The following RCC1 variants were observed in gnomAD, a reference collection of about 807,000 sequenced individuals.
The protein encoded by RCC1 is regulator of chromosome condensation 1, also known as regulator of chromosome condensation.
In RCC1, 11 loss-of-function variants were observed where a neutral mutation model predicts 44.4. The ratio of observed to expected loss-of-function variants is 0.25; its 90% CI spans 0.16 to 0.41. RCC1 has a LOEUF of 0.41. RCC1 is among the 10% of genes least tolerant of loss of function. RCC1 has a pLI of 1.00. For synonymous variants in RCC1, 213 were observed against 216.5 expected, an observed-to-expected ratio of 0.98 and a Z score of 0.14; for missense variants, 386 against 547.1, an observed-to-expected ratio of 0.71 and a Z score of 2.94.
Position 28,531,918 on chromosome 1 carries a change from A to G in RCC1, c.189A>G (p.Val63=), listed in dbSNP as rs1223736148. 6.2e-7 allele frequency: 1 copy of G among 1,608,954 alleles called. No homozygotes were observed. Among genetic ancestry groups the G allele is most frequent in the Non-Finnish European group, 8.5e-7 (1 of 1,177,598 alleles). ...TGGAGAGGAAGAAGCCGGCCCTGGT[A>G]TCCATTCCGGAGGATGTTGTGCAGG... ...NVMERKKPAL[V]SIPEDVVQAE... Residue 63 remains valine (V), a synonymous_variant, in exon 6 of 13, where the codon GTA becomes GTG. Transcript: ENST00000683442.
intron 4 of RCC1, among the ~76,000 whole-genome samples, chr1:28,523,027 C>CT (rs775851239): frequency 0.25 from 23,111 of 91,022 alleles, 3,927 homozygotes; most frequent in Non-Finnish European, 0.29. Flanking sequence ...GAAGAAATTT[C>CT]TTTTTTTTTT....
Position 28,536,818 on chromosome 1 carries a change from A to C in RCC1, c.1009A>C (p.Ile337Leu). 1 of 1,614,066 alleles carries C rather than the reference A, an allele frequency of 6.2e-7. No individual in the cohort carries two copies. Among genetic ancestry groups the C allele is most frequent in the Non-Finnish European group, 8.5e-7 (1 of 1,179,998 alleles). ...TGGAGAGGGTGCTGAGGAGAAGAGC[A>C]TACCCACCCTCATCTCCAGGCTGCC... ...GLGEGAEEKS[I>L]PTLISRLPAV... The change falls in exon 12 of 13, where the codon ATA becomes CTA. Residue 337 changes from isoleucine to leucine, a missense_variant. Transcript: ENST00000683442. The surrounding 1 kb of genome is among the most constrained non-coding windows in gnomAD (Gnocchi z 4.9).
intron 5 of RCC1, chr1:28,530,384 G>T (rs1664053114): frequency 2.9e-6 from 2 of 697,280 alleles, no homozygotes; most frequent in Non-Finnish European, 4.8e-6. Flanking sequence ...TGAGATAATG[G>T]CCTGGCAGCA....
intron 4 of RCC1, among the ~76,000 whole-genome samples, chr1:28,522,316 T>C (rs1472169129): frequency 6.6e-6 from 1 of 152,032 alleles, no homozygotes; most frequent in Admixed American, 6.6e-5. Flanking sequence ...TCTGGCCTGG[T>C]GGGTCTGGCA....
chr1:28,534,543 C>G (rs1163064951), intron 7 of RCC1, among the ~76,000 whole-genome samples: 3 of 152,190 alleles, frequency 2.0e-5, no homozygotes, highest in Non-Finnish European at 4.4e-5. Flanking sequence ...GCAATGGCAT[C>G]GTCTTAGCTC....
intron 4 of RCC1, among the ~76,000 whole-genome samples, chr1:28,525,317 A>C (rs1663578282): frequency 6.6e-6 from 1 of 152,094 alleles, no homozygotes; most frequent in African/African-American, 2.4e-5. Flanking sequence ...TCTGCCTTTT[A>C]GTTTTTACTT....
intron 7 of RCC1, among the ~76,000 whole-genome samples, chr1:28,533,883 T>C (rs1432182142): frequency 4.4e-5 from 2 of 45,690 alleles, no homozygotes; most frequent in East Asian, 6.3e-4. Context: ...TTTTTTTTTT[T>C]TTTTTTTTTT....
chr1:28,507,456 C>T (rs771690164), intron 1 of RCC1: 15 of 519,122 alleles, frequency 2.9e-5, no homozygotes, highest in Non-Finnish European at 5.4e-5. Flanking sequence ...ATGTACAAGT[C>T]CCTTTCCACA....
chr1:28,530,645 C>T (rs765115371), intron 5 of RCC1: 11 of 1,560,466 alleles, frequency 7.0e-6, no homozygotes, highest in Admixed American at 5.4e-5. Context: ...GCCCTCTGTG[C>T]TGCCAGCGCG....
intron 1 of RCC1, chr1:28,507,598 G>GTTT: frequency 2.3e-6 from 1 of 433,660 alleles, no homozygotes; most frequent in Non-Finnish European, 4.4e-6. Context: ...CTGGATTGAA[G>GTTT]TCTTTTTTTT....
Position 28,536,394 on chromosome 1 carries a change from C to T in RCC1, c.937+13C>T, listed in dbSNP as rs1167665940. On this transcript the variant is annotated intron_variant, in intron 11 of 12. Transcript: ENST00000683442. The surrounding 1 kb of genome is among the most constrained non-coding windows in gnomAD (Gnocchi z 4.9). ...ATGGATTCGGAAGGTAGGGCCTTTACGTCCTTCTCTAGTTTGGGGGTGGAG... is the reference window on the plus strand; with the variant it reads ...ATGGATTCGGAAGGTAGGGCCTTTATGTCCTTCTCTAGTTTGGGGGTGGAG... 6 of 1,611,552 alleles carry T rather than the reference C, an allele frequency of 3.7e-6. No individual in the cohort carries two copies. Among genetic ancestry groups the T allele is most frequent in the African/African-American group, 1.3e-5 (1 of 74,958 alleles).
intron 9 of RCC1, 106 bp from the exon 10 acceptor site, chr1:28,535,765 A>G (rs1557880879): frequency 3.3e-6 from 4 of 1,226,540 alleles, no homozygotes; most frequent in Non-Finnish European, 4.7e-6. Flanking sequence ...AAGAGTCCCT[A>G]CTTAGCCTCT....
intron 6 of RCC1, 22 bp from the exon 7 acceptor site, chr1:28,532,149 A>G (rs1312701997): frequency 6.2e-7 from 1 of 1,607,214 alleles, no homozygotes; most frequent in Admixed American, 1.7e-5. Context: ...ACGTTGCATT[A>G]ATGAGGGCAT....
chr1:28,525,367 TG>T (rs992723213), intron 4 of RCC1, among the ~76,000 whole-genome samples: 1 of 152,100 alleles, frequency 6.6e-6, no homozygotes, highest in African/African-American at 2.4e-5. Context: ...ATATGAGGGG[TG>T]GTCTCCTCCC....
rs139892806 is a variant in RCC1, at chr1:28,517,584, C to T, written c.-10+717C>T. Among the ~76,000 whole-genome samples, 13 of 152,226 alleles carry T rather than the reference C, an allele frequency of 8.5e-5. No individual in the cohort carries two copies. In the East Asian group the frequency reaches 2.3e-3, roughly 27 times the overall value. ...CACATACCCATCTGATGTTAACTCACGGGGAAAAAAATCTGATCATGCCAT... is the reference window on the plus strand; with the variant it reads ...CACATACCCATCTGATGTTAACTCATGGGGAAAAAAATCTGATCATGCCAT... On this transcript the variant is annotated intron_variant, in intron 4 of 12. Coordinates refer to ENST00000683442, the MANE Select transcript of RCC1 (RefSeq NM_001381865.2).
At chr1:28,528,009 CAAAA>C (rs56261878) in intron 4 of RCC1, among the ~76,000 whole-genome samples, 5 of 97,612 alleles carry the variant, frequency 5.1e-5, no homozygotes. Flanking sequence ...AACTCTGCTT[CAAAA>C]AAAAAAAAAA....
chr1:28,516,759 CAGAGAGAG>C lies in RCC1; in HGVS notation c.-108_-101del. 2.3e-6 allele frequency: 1 copy of C among 426,226 alleles called. No individual in the cohort carries two copies. The highest frequency in any genetic ancestry group is 7.3e-5 in the East Asian group (1 of 13,638). The allele number at this position is 426,226 out of a possible 1,614,324, so 26.4% of individuals were successfully genotyped here. A position where few individuals can be genotyped will look rare whatever the true frequency, so the allele number is the denominator to read the frequency against. On this transcript the variant is annotated 5_prime_UTR_variant, in exon 4 of 13. It removes the in-frame stop codon of an upstream open reading frame in the 5' UTR. Coordinates refer to ENST00000683442, the MANE Select transcript of RCC1 (RefSeq NM_001381865.2). Reference sequence around the variant, plus strand: ...TGTGTAAGATCTTGGAGGAAGACAGCAGAGAGAGAGAGAGAGATCAGAGATCCCAGGGT... The same window carrying C: ...TGTGTAAGATCTTGGAGGAAGACAGCAGAGAGAGATCAGAGATCCCAGGGT...
At chr1:28,516,627 AC>A in intron 3 of RCC1, 97 bp from the exon 4 acceptor site, 1 of 239,746 alleles carries the variant, frequency 4.2e-6, no homozygotes, top group South Asian at 4.3e-5. Context: ...TTTGTGAGGA[AC>A]AAATGAGCTG....
At chr1:28,519,965 G>A (rs1368442910) in intron 4 of RCC1, among the ~76,000 whole-genome samples, 1 of 151,332 alleles carries the variant, frequency 6.6e-6, no homozygotes, top group Non-Finnish European at 1.5e-5. Context: ...TCCACCTCCC[G>A]GGTTCAAGCG....
Sources: allele counts gnomAD v4.1 joint callset (sites outside exome capture counted in the v4.1 genomes callset), GRCh38; gene constraint gnomAD v4.1.1; non-coding constraint Gnocchi (gnomAD v3.1); transcripts MANE v1.5; gene names NCBI Gene and HGNC (gene_info 2026-07-23, HGNC 2026-07-21).